The following PSD2 variants were observed in gnomAD, a reference collection of about 807,000 sequenced individuals.
PSD2 encodes PH and SEC7 domain-containing protein 2.
A neutral mutation model predicts 69.8 loss-of-function variants in PSD2; 38 were observed. The ratio of observed to expected loss-of-function variants is 0.54; its 90% CI spans 0.42 to 0.71. The LOEUF (loss-of-function observed/expected upper bound fraction) is 0.71. PSD2 is among the 30% of genes least tolerant of loss of function. The pLI is 0.00. For synonymous variants in PSD2, 412 were observed against 423.0 expected, an observed-to-expected ratio of 0.97 and a Z score of 0.32; for missense variants, 943 against 1,014.5, an observed-to-expected ratio of 0.93 and a Z score of 0.96.
chr5:139,799,699 T>C (rs546519546), intron 1 of PSD2, among the ~76,000 whole-genome samples: 90 of 151,946 alleles, frequency 5.9e-4, no homozygotes, highest in African/African-American at 1.9e-3. Context: ...GGGGACAGCA[T>C]TGGGGCTGCT....
Position 139,809,801 on chromosome 5 carries a change from C to G in PSD2, c.361C>G (p.Pro121Ala), listed in dbSNP as rs770448654. 3 of 1,614,030 alleles carry G rather than the reference C, an allele frequency of 1.9e-6. No individual in the cohort carries two copies. The South Asian group carries it at 3.3e-5, about 18-fold the overall frequency. The change falls in exon 2 of 15, where the codon CCT becomes GCT. Residue 121 changes from proline to alanine, a missense_variant. Transcript: ENST00000274710. ...GAGCCTCTACCCAGATGCTGAGGAC[C>G]CTCAGCTGGGGTGAGTGGATGTCTT... is the stretch of plus-strand genomic sequence containing the variant. ...SRSLYPDAED[P>A]QLGLDGPGEP...
At chr5:139,830,569 T>TTCCTTC (rs1334455882) in intron 7 of PSD2, among the ~76,000 whole-genome samples, 1,317 of 50,506 alleles carry the variant, frequency 0.026, 11 homozygotes, top group Middle Eastern at 0.074. Context: ...TTCCTTCCTT[T>TTCCTTC]CTTTCTTTCT....
rs2126975753 is a variant in PSD2, at chr5:139,843,548, C to T, written c.*1074C>T. On this transcript the variant is annotated 3_prime_UTR_variant, in exon 15 of 15. Transcript: ENST00000274710. ...GCTATAGGAATAAAAGACACTCTGTCTCGCAAATGGCTGCTTGTCAACAAG... is the reference window on the plus strand; with the variant it reads ...GCTATAGGAATAAAAGACACTCTGTTTCGCAAATGGCTGCTTGTCAACAAG... 1 of 152,374 alleles carries T rather than the reference C, an allele frequency of 6.6e-6. No homozygotes were observed. The highest frequency in any genetic ancestry group is 1.9e-4 in the East Asian group (1 of 5,192). The allele number at this position is 152,374 out of a possible 1,614,324, so 9.4% of individuals were successfully genotyped here.
intron 1 of PSD2, among the ~76,000 whole-genome samples, chr5:139,803,476 C>T (rs1759723392): frequency 6.6e-6 from 1 of 152,198 alleles, no homozygotes. Context: ...CTCCTTTAGT[C>T]CTCACAGGTG....
the PSD2 span, among the ~76,000 whole-genome samples, chr5:139,742,797 C>T: frequency 8.5e-5 from 13 of 152,224 alleles, no homozygotes; most frequent in East Asian, 1.9e-3. Context: ...TCCTTAGCTG[C>T]GGGGGAGCCG....
chr5:139,766,920 C>T, the PSD2 span, among the ~76,000 whole-genome samples: 5,736 of 30,892 alleles, frequency 0.19, 904 homozygotes, highest in Admixed American at 0.3. Flanking sequence ...TTCCTTCCTT[C>T]CTTCCTTCCC....
At chr5:139,792,706 CTCTT>C (rs1011257334), upstream of PSD2, among the ~76,000 whole-genome samples, 14 of 151,986 alleles carry the variant, frequency 9.2e-5, no homozygotes, top group African/African-American at 3.1e-4. Flanking sequence ...GTCTTTCTTT[CTCTT>C]TCTTTCTTTT....
chr5:139,786,813 G>A, the PSD2 span, among the ~76,000 whole-genome samples: 9 of 152,110 alleles, frequency 5.9e-5, no homozygotes, highest in East Asian at 1.9e-4. Flanking sequence ...CCAACTTGAC[G>A]CGTTTTTGGA....
rs947087926 is a variant in PSD2 at position 139,814,725 on chromosome 5, CG to C, written c.1016+366del. 6.6e-6 allele frequency among the ~76,000 whole-genome samples: 1 copy of C among 152,002 alleles called. No homozygotes were observed. The highest frequency in any genetic ancestry group is 2.4e-5 in the African/African-American group (1 of 41,396). On this transcript the variant is annotated intron_variant, in intron 4 of 14. Coordinates refer to ENST00000274710, the MANE Select transcript of PSD2 (RefSeq NM_032289.4). The surrounding 1 kb of genome is among the most constrained non-coding windows in gnomAD (Gnocchi z 4.4). ...CAGGGAGAAAGGAGAACCCGGGCCT[CG>C]GGGGACACCTCTGGGACCCAGAGCT...
rs1300391745 is a variant in PSD2 at position 139,844,315 on chromosome 5, AT to A, written c.*1842del. 3.7e-4 allele frequency: 57 copies of A among 152,348 alleles called. No homozygotes were observed. Among genetic ancestry groups the A allele is most frequent in the African/African-American group, 1.2e-3 (51 of 41,572 alleles). The allele number at this position is 152,348 out of a possible 1,614,324, so 9.4% of individuals were successfully genotyped here. On this transcript the variant is annotated 3_prime_UTR_variant, in exon 15 of 15. Transcript: ENST00000274710. Reference sequence around the variant, plus strand: ...GGTTGTGCCTCCCATCAGTAAAAAAATGTTTAGTTCACTTCCTTAATTGTAT... The same window carrying A: ...GGTTGTGCCTCCCATCAGTAAAAAAAGTTTAGTTCACTTCCTTAATTGTAT...
the PSD2 span, among the ~76,000 whole-genome samples, chr5:139,774,873 A>C: frequency 6.6e-6 from 1 of 152,030 alleles, no homozygotes; most frequent in Non-Finnish European, 1.5e-5. Context: ...ACGGGGCCTG[A>C]TTGGGTAGTG....
intron 2 of PSD2, among the ~76,000 whole-genome samples, chr5:139,810,527 GCCTGC>G (rs1759930738): frequency 6.6e-6 from 1 of 152,206 alleles, no homozygotes; most frequent in Non-Finnish European, 1.5e-5. Context: ...ATGAGTGTGT[GCCTGC>G]CCTGCATGTC....
chr5:139,773,905 C>T, the PSD2 span, among the ~76,000 whole-genome samples: 1 of 152,062 alleles, frequency 6.6e-6, no homozygotes, highest in South Asian at 2.1e-4. Flanking sequence ...ATTTTGCATA[C>T]TGGCTGAACC....
intron 4 of PSD2, among the ~76,000 whole-genome samples, chr5:139,815,186 C>CCTCCCTCCACTT (rs1313716282): frequency 1.3e-5 from 2 of 152,038 alleles, no homozygotes; most frequent in African/African-American, 4.8e-5. Flanking sequence ...ACTTCTTCTC[C>CCTCCCTCCACTT]CTCCCTCCAC....
At chr5:139,757,794 C>T in the PSD2 span, among the ~76,000 whole-genome samples, 2 of 152,184 alleles carry the variant, frequency 1.3e-5, no homozygotes, top group South Asian at 2.1e-4. Context: ...CCCCAGCATA[C>T]CCTAGTTCTG....
At chr5:139,796,998 A>G (rs2126919934) in intron 1 of PSD2, among the ~76,000 whole-genome samples, 1 of 152,274 alleles carries the variant, frequency 6.6e-6, no homozygotes, top group Non-Finnish European at 1.5e-5. Flanking sequence ...TAGATCCTAC[A>G]AACAAGAGCT....
At chr5:139,801,797 C>T (rs951393882) in intron 1 of PSD2, among the ~76,000 whole-genome samples, 1 of 152,250 alleles carries the variant, frequency 6.6e-6, no homozygotes, top group African/African-American at 2.4e-5. Context: ...CCCAAACCTG[C>T]TCCACCCAGT....
At chr5:139,757,634 G>A in the PSD2 span, among the ~76,000 whole-genome samples, 2 of 152,190 alleles carry the variant, frequency 1.3e-5, no homozygotes, top group Non-Finnish European at 2.9e-5. Context: ...CTTCCAAATA[G>A]TGCTGGGTCT....
chr5:139,813,474 C>T lies in PSD2; in HGVS notation c.537C>T (p.Pro179=), dbSNP rs770909449. Residue 179 remains proline (P), a synonymous_variant, in exon 3 of 15, where the codon CCC becomes CCT. Transcript: ENST00000274710. ...ACAGCTGCGTCAGCTTCGAGGCCCCCCTCACACCCCTCATCCAGCAGCGGG... is the reference window on the plus strand; with the variant it reads ...ACAGCTGCGTCAGCTTCGAGGCCCCTCTCACACCCCTCATCCAGCAGCGGG... ...ESDSCVSFEA[P]LTPLIQQRAR... is the part of the protein sequence containing the mutation. 3 of 1,613,906 alleles carry T rather than the reference C, an allele frequency of 1.9e-6. No homozygotes were observed. The South Asian group carries it at 3.3e-5, about 18-fold the overall frequency.
Sources: allele counts gnomAD v4.1 joint callset (sites outside exome capture counted in the v4.1 genomes callset), GRCh38; gene constraint gnomAD v4.1.1; non-coding constraint Gnocchi (gnomAD v3.1); transcripts MANE v1.5; gene names NCBI Gene and HGNC (gene_info 2026-07-23, HGNC 2026-07-21).